Variants in FRYL observed in about 807,000 individuals in gnomAD.
The protein encoded by FRYL is protein furry homolog-like.
In FRYL, 150 loss-of-function variants were observed where a neutral mutation model predicts 351.2. The ratio of observed to expected loss-of-function variants is 0.43; its 90% CI spans 0.37 to 0.49. The LOEUF (loss-of-function observed/expected upper bound fraction) is 0.49, where lower values mean the gene tolerates loss of function less well. Ranked by LOEUF, FRYL falls within the 20% of genes least tolerant of loss-of-function variation. The probability of loss-of-function intolerance (pLI) is 0.00; values close to 1 mark genes in which losing one functional copy is unlikely to be tolerated. For synonymous variants in FRYL, 1,153 were observed against 1,257.1 expected (o/e 0.92, Z 1.75); for missense variants, 3,036 against 3,619.3 (o/e 0.84, Z 4.13).
At chr4:48,662,403 A>C (rs1760920307) in intron 3 of FRYL, among the ~76,000 whole-genome samples, 1 of 152,094 alleles carries the variant, frequency 6.6e-6, no homozygotes, top group African/African-American at 2.4e-5. Context: ...ACAGAGCGAG[A>C]CCCTGTCTCT....
At position 48,548,278 on chromosome 4, in the gene FRYL, G is replaced by A. The variant is rs79249811; in HGVS notation, c.4888+412C>T. 9.9e-4 allele frequency among the ~76,000 whole-genome samples: 151 copies of A among 152,268 alleles called. 4 individuals are homozygous for A. In the East Asian group the frequency reaches 0.025, roughly 25 times the overall value. ...TGTTTGCTACAGAAGGCACGATGGAGTTTCAGGTATAATAATGAGGCTATC... is the reference window on the plus strand; with the variant it reads ...TGTTTGCTACAGAAGGCACGATGGAATTTCAGGTATAATAATGAGGCTATC... On this transcript the variant is annotated intron_variant, in intron 40 of 63. Transcript: ENST00000358350.
At chr4:48,569,308 T>TC (rs1737696446) in intron 27 of FRYL, among the ~76,000 whole-genome samples, 1 of 152,202 alleles carries the variant, frequency 6.6e-6, no homozygotes, top group South Asian at 2.1e-4. Flanking sequence ...TTTCTTTCTT[T>TC]CTTTTTTTTT....
intron 19 of FRYL, among the ~76,000 whole-genome samples, chr4:48,583,640 C>A (rs1444790169): frequency 6.6e-6 from 1 of 151,362 alleles, no homozygotes; most frequent in Non-Finnish European, 1.5e-5. Context: ...CAGTGGCTCA[C>A]ACTTATAATC....
chr4:48,548,508 T>C (rs1179365523), intron 40 of FRYL, among the ~76,000 whole-genome samples, 182 bp downstream of exon 40: 5 of 152,084 alleles, frequency 3.3e-5, no homozygotes, highest in Non-Finnish European at 7.4e-5. Context: ...TGTTTGTTTG[T>C]GGTTAGAAGA....
At chr4:48,778,798 T>TA (rs1427189507) in intron 1 of FRYL, among the ~76,000 whole-genome samples, 1 of 152,178 alleles carries the variant, frequency 6.6e-6, no homozygotes, top group Non-Finnish European at 1.5e-5. Context: ...CAGCATTTTA[T>TA]AAAACCAACT....
At chr4:48,588,299 T>C (rs1250772631) in intron 18 of FRYL, among the ~76,000 whole-genome samples, 1 of 152,236 alleles carries the variant, frequency 6.6e-6, no homozygotes, top group South Asian at 2.1e-4. Context: ...TATAATTTTA[T>C]GTTGCTTTGA....
intron 37 of FRYL, among the ~76,000 whole-genome samples, chr4:48,550,939 AC>A (rs1450576180): frequency 6.6e-6 from 1 of 151,928 alleles, no homozygotes; most frequent in Admixed American, 6.6e-5. Context: ...GAGCGTGGTG[AC>A]GTGTGCCTGT....
intron 2 of FRYL, among the ~76,000 whole-genome samples, chr4:48,699,848 C>T (rs977728460): frequency 2.0e-5 from 3 of 152,136 alleles, no homozygotes; most frequent in Non-Finnish European, 4.4e-5. Context: ...ATATTGTCTA[C>T]AGATCCAGTT....
intron 3 of FRYL, among the ~76,000 whole-genome samples, chr4:48,642,773 T>C (rs1167896930): frequency 6.6e-6 from 1 of 152,168 alleles, no homozygotes; most frequent in Non-Finnish European, 1.5e-5. Context: ...TTGTGCTTTT[T>C]TGGTAATCTT....
chr4:48,756,696 C>T (rs773795865), intron 1 of FRYL, among the ~76,000 whole-genome samples: 2 of 152,026 alleles, frequency 1.3e-5, no homozygotes, highest in Non-Finnish European at 2.9e-5. Flanking sequence ...GCCTGTAATC[C>T]CAGCACTTTG....
chr4:48,778,941 A>C (rs1776319830), intron 1 of FRYL, among the ~76,000 whole-genome samples: 1 of 152,078 alleles, frequency 6.6e-6, no homozygotes, highest in Non-Finnish European at 1.5e-5. Context: ...CGCAGTTCAA[A>C]GGTAAGGGCA....
At chr4:48,675,017 A>G (rs556281985) in intron 3 of FRYL, among the ~76,000 whole-genome samples, 1 of 152,282 alleles carries the variant, frequency 6.6e-6, no homozygotes, top group Admixed American at 6.5e-5. Flanking sequence ...ACCCATGTAC[A>G]TCAGCTATGA....
At chr4:48,627,913 G>T (rs1314709020) in intron 4 of FRYL, among the ~76,000 whole-genome samples, 1 of 152,090 alleles carries the variant, frequency 6.6e-6, no homozygotes. Flanking sequence ...TGGGATTACA[G>T]GCGCCTACTA....
intron 1 of FRYL, among the ~76,000 whole-genome samples, chr4:48,746,341 C>T (rs1463584438): frequency 5.3e-5 from 8 of 151,720 alleles, no homozygotes; most frequent in African/African-American, 9.7e-5. Flanking sequence ...CTAAGGTGGG[C>T]GGATCACGAG....
At position 48,716,650 on chromosome 4, in the gene FRYL, C is replaced by T. The variant is rs868484471; in HGVS notation, c.-383-5952G>A. Among the ~76,000 whole-genome samples, 14 of 151,482 alleles carry T rather than the reference C, an allele frequency of 9.2e-5. No individual in the cohort carries two copies. In the South Asian group the frequency reaches 1.3e-3, roughly 14 times the overall value. On this transcript the variant is annotated intron_variant, in intron 1 of 63. Transcript: ENST00000358350. ...GGTGCTGGAGAGGATGTGGAGAAAT[C>T]GGAACACTTTTACACTGTTGGTGGG... is the stretch of plus-strand genomic sequence containing the variant.
At chr4:48,576,537 C>G (rs1034941943) in intron 23 of FRYL, among the ~76,000 whole-genome samples, 2 of 152,154 alleles carry the variant, frequency 1.3e-5, no homozygotes, top group African/African-American at 4.8e-5. Context: ...AACTCCTGAG[C>G]TCAGATGATC....
rs150538006 is a variant in FRYL at position 48,550,667 on chromosome 4, G to C, written c.4558C>G (p.His1520Asp). 6.2e-7 allele frequency: 1 copy of C among 1,613,886 alleles called. No homozygotes were observed. Among genetic ancestry groups the C allele is most frequent in the East Asian group, 2.2e-5 (1 of 44,884 alleles). The change falls in exon 38 of 64, where the codon CAT (histidine) becomes GAT (aspartate). Residue 1520 changes from histidine (H) to aspartate (D), a missense_variant. His to Asp is a moderately conservative substitution (Grantham distance 81). This residue lies in a region of FRYL where 1,987 missense variants were observed against 2,311.7 expected (regional missense o/e 0.86). Coordinates refer to ENST00000358350, the MANE Select transcript of FRYL (RefSeq NM_015030.2). ...HLDIYSGLNSHLNRQHHRLES... is the reference protein window; with the variant it reads ...HLDIYSGLNSDLNRQHHRLES... ...AGTCTGTGATGTTGCCGATTCAAAT[G>C]ACTGTTTAGTCCACTGTAAATGTCC...
At chr4:48,500,781 C>A (rs1041054709) in intron 62 of FRYL, among the ~76,000 whole-genome samples, 24 of 152,148 alleles carry the variant, frequency 1.6e-4, no homozygotes, top group Admixed American at 1.4e-3. Context: ...CTTGTGTGCA[C>A]TAATAAAACT....
intron 1 of FRYL, among the ~76,000 whole-genome samples, chr4:48,754,057 C>T (rs946752793): frequency 7.2e-5 from 11 of 152,214 alleles, no homozygotes; most frequent in Non-Finnish European, 1.5e-4. Context: ...CACTAACCAT[C>T]TTAAAGTGTG....
Sources: allele counts gnomAD v4.1 joint callset (sites outside exome capture counted in the v4.1 genomes callset), GRCh38; gene constraint gnomAD v4.1.1; regional missense constraint gnomAD v4.1.1; transcripts MANE v1.5; gene names NCBI Gene and HGNC (gene_info 2026-07-23, HGNC 2026-07-21).